Variants in EPS15L1 observed in about 807,000 individuals in gnomAD.
The protein encoded by EPS15L1 is epidermal growth factor receptor pathway substrate 15 like 1, also known as epidermal growth factor receptor substrate 15-like 1.
In EPS15L1, 43 loss-of-function variants were observed where a neutral mutation model predicts 117.1. The observed-to-expected ratio is 0.37, with a 90% CI of 0.29 to 0.47. The LOEUF is 0.47. EPS15L1 is among the 20% of genes least tolerant of loss of function. The probability of loss-of-function intolerance (pLI) is 0.99; values close to 1 mark genes in which losing one functional copy is unlikely to be tolerated. For missense variants in EPS15L1, 981 were observed against 1,164.0 expected, an observed-to-expected ratio of 0.84 and a Z score of 2.29; for synonymous variants, 459 against 470.5, an observed-to-expected ratio of 0.98 and a Z score of 0.32.
chr19:16,413,038 A>G (rs2092722491), intron 13 of EPS15L1: 1 of 738,630 alleles, frequency 1.4e-6, no homozygotes, highest in South Asian at 1.4e-5. Flanking sequence ...GTGCAGAAAC[A>G]GACCCGCGCC....
rs1406117569 is a variant in EPS15L1 at position 16,385,277 on chromosome 19, G to A, written c.2165-66C>T. 1.7e-5 allele frequency: 23 copies of A among 1,362,948 alleles called. No individual in the cohort carries two copies. The East Asian group carries it at 2.5e-4, about 15-fold the overall frequency. 84.4% of individuals were successfully genotyped at this position (1,362,948 alleles called of 1,614,324 possible). A position where few individuals can be genotyped will look rare whatever the true frequency, so the allele number is the denominator to read the frequency against. ...AGAGAACATGCCTTCTGGGGTGGAG[G>A]GGAAATGCTAGATGGCCCCTGAACC... On this transcript the variant is annotated intron_variant, in intron 20 of 23. Coordinates refer to ENST00000455140, the MANE Select transcript of EPS15L1 (RefSeq NM_001258374.3).
Position 16,367,966 on chromosome 19 carries a change from A to T in EPS15L1, c.2381-5982T>A, listed in dbSNP as rs2092161831. 2.1e-5 allele frequency among the ~76,000 whole-genome samples: 3 copies of T among 145,128 alleles called. No individual in the cohort carries two copies. In the South Asian group the frequency reaches 6.5e-4, roughly 31 times the overall value. Reference sequence around the variant, plus strand: ...AATAAAAATATTAGTAATAAACATGAGAGTGAGAGAGAGAGAGAGTGTGTG... The same window carrying T: ...AATAAAAATATTAGTAATAAACATGTGAGTGAGAGAGAGAGAGAGTGTGTG... On this transcript the variant is annotated intron_variant, in intron 22 of 23. Transcript: ENST00000455140.
chr19:16,355,677 C>T lies in EPS15L1; in HGVS notation c.*28G>A. 14 of 1,531,110 alleles carry T rather than the reference C, an allele frequency of 9.1e-6. No individual in the cohort carries two copies. The highest frequency in any genetic ancestry group is 1.0e-5 in the Non-Finnish European group (12 of 1,143,164). The allele number at this position is 1,531,110 out of a possible 1,614,324, so 94.8% of individuals were successfully genotyped here. On this transcript the variant is annotated 3_prime_UTR_variant, in exon 24 of 24. Transcript: ENST00000455140. ...GCCCCCTCTCTGGAACCCGCCCGTG[C>T]CCTGTCCCGCCTACACACGGCCCTC...
At position 16,403,840 on chromosome 19, in the gene EPS15L1, G is replaced by A; in HGVS notation, c.1519C>T (p.Arg507Ter). The A allele has an allele frequency of 6.2e-7, 1 of 1,614,098 alleles. No individual in the cohort carries two copies. The highest frequency in any genetic ancestry group is 8.5e-7 in the Non-Finnish European group (1 of 1,180,014). Residue 507 changes from arginine to a stop codon, truncating the protein, a stop_gained, in exon 15 of 24, where the codon CGA becomes TGA. Coordinates refer to ENST00000455140, the MANE Select transcript of EPS15L1 (RefSeq NM_001258374.3). LOFTEE classifies it high-confidence loss of function. ...DLNRAKSELN[R>*]LQQEETQLEQ... is the part of the protein sequence containing the mutation. ...AGCTGGGTTTCCTCCTGCTGCAATC[G>A]GTTCAGCTCCGACTTGGCTCGGTTC... is the stretch of plus-strand genomic sequence containing the variant.
chr19:16,376,431 G>A (rs989298922), intron 22 of EPS15L1, among the ~76,000 whole-genome samples: 10 of 152,214 alleles, frequency 6.6e-5, no homozygotes, highest in Non-Finnish European at 1.0e-4. Context: ...GAATCCTCAG[G>A]GGACCCTCGA....
chr19:16,446,579 G>A (rs2093085346), intron 1 of EPS15L1, among the ~76,000 whole-genome samples: 5 of 152,154 alleles, frequency 3.3e-5, no homozygotes, highest in Admixed American at 3.3e-4. Flanking sequence ...GGGAAACTGA[G>A]TTTGCCCTAC....
intron 19 of EPS15L1, 74 bp downstream of exon 19, chr19:16,392,230 G>A: frequency 2.6e-6 from 4 of 1,555,822 alleles, no homozygotes; most frequent in Non-Finnish European, 2.7e-6. Context: ...AGGGAAGGGG[G>A]CCTTCGGGAA....
intron 22 of EPS15L1, among the ~76,000 whole-genome samples, chr19:16,368,328 CAG>C (rs896461844): frequency 5.8e-4 from 89 of 152,240 alleles, no homozygotes; most frequent in Non-Finnish European, 8.1e-4. Flanking sequence ...TCCTACACAA[CAG>C]GGGACACACA....
chr19:16,408,883 C>G (rs915875940), intron 13 of EPS15L1, among the ~76,000 whole-genome samples: 1 of 152,072 alleles, frequency 6.6e-6, no homozygotes, highest in African/African-American at 2.4e-5. Context: ...TCATCCTTGA[C>G]AAGGATGCTA....
intron 19 of EPS15L1, among the ~76,000 whole-genome samples, chr19:16,388,592 C>A: frequency 6.6e-6 from 1 of 151,918 alleles, no homozygotes; most frequent in East Asian, 1.9e-4. Context: ...CTTTGGGAGG[C>A]CAAGGCAGGC....
intron 13 of EPS15L1, among the ~76,000 whole-genome samples, chr19:16,408,201 A>G (rs1392270895): frequency 2.0e-5 from 3 of 152,214 alleles, no homozygotes; most frequent in Non-Finnish European, 4.4e-5. Flanking sequence ...AAGACCCACC[A>G]GCTCGAGGTT....
At chr19:16,458,110 G>T (rs962161014) in intron 1 of EPS15L1, among the ~76,000 whole-genome samples, 1 of 152,168 alleles carries the variant, frequency 6.6e-6, no homozygotes, top group Non-Finnish European at 1.5e-5. Context: ...CTGGCCTCCT[G>T]TCGGGGTGTT....
At chr19:16,397,843 G>A (rs1267656260) in intron 16 of EPS15L1, among the ~76,000 whole-genome samples, 1 of 151,988 alleles carries the variant, frequency 6.6e-6, no homozygotes, top group Non-Finnish European at 1.5e-5. Context: ...GTTTAAATAA[G>A]GACTCTGTTT....
At chr19:16,424,107 G>C (rs1458938364) in intron 9 of EPS15L1, among the ~76,000 whole-genome samples, 1 of 152,232 alleles carries the variant, frequency 6.6e-6, no homozygotes, top group Non-Finnish European at 1.5e-5. Context: ...AGGTCCCAAA[G>C]GAAGGATATC....
Position 16,441,428 on chromosome 19 carries a change from C to T in EPS15L1, c.165+464G>A, listed in dbSNP as rs1034243486. ...TGGAGCTTGCAGTGAGCTGAGATCA[C>T]GCTACTGCACTCCAGCCTGGGCGAC... is the stretch of plus-strand genomic sequence containing the variant. On this transcript the variant is annotated intron_variant, in intron 3 of 23. Coordinates refer to ENST00000455140, the MANE Select transcript of EPS15L1 (RefSeq NM_001258374.3). 3.4e-5 allele frequency: 6 copies of T among 176,082 alleles called. No individual in the cohort carries two copies. The South Asian group carries it at 4.4e-4, about 13-fold the overall frequency. 10.9% of individuals were successfully genotyped at this position (176,082 alleles called of 1,614,324 possible).
In EPS15L1 at chr19:16,451,677, C is replaced by T. The variant is rs540897337; in HGVS notation, c.34-9458G>A. ...CCAAGTAGCTGAGACTACAGGTGCC[C>T]GCCACCTCACTCGTCTAATTTTTTG... On this transcript the variant is annotated intron_variant, in intron 1 of 23. Coordinates refer to ENST00000455140, the MANE Select transcript of EPS15L1 (RefSeq NM_001258374.3). 4.0e-5 allele frequency among the ~76,000 whole-genome samples: 6 copies of T among 151,804 alleles called. No homozygotes were observed. In the South Asian group the frequency reaches 8.3e-4, roughly 21 times the overall value.
At position 16,383,023 on chromosome 19, in the gene EPS15L1, A is replaced by T. The variant is rs975388849; in HGVS notation, c.2247+2106T>A. ...CCTTAGCATTTTATTTATATCCACA[A>T]TGTTGTTCTTGAAAAACAGATAGGT... is the stretch of plus-strand genomic sequence containing the variant. On this transcript the variant is annotated intron_variant, in intron 21 of 23. Coordinates refer to ENST00000455140, the MANE Select transcript of EPS15L1 (RefSeq NM_001258374.3). The surrounding 1 kb of genome is among the most constrained non-coding windows in gnomAD (Gnocchi z 5.2). 3.9e-5 allele frequency: 6 copies of T among 152,108 alleles called. No homozygotes were observed. The highest frequency in any genetic ancestry group is 8.8e-5 in the Non-Finnish European group (6 of 68,030). The allele number at this position is 152,108 out of a possible 1,614,324, so 9.4% of individuals were successfully genotyped here. A position where few individuals can be genotyped will look rare whatever the true frequency, so the allele number is the denominator to read the frequency against.
chr19:16,377,937 A>C (rs908647193), intron 21 of EPS15L1, among the ~76,000 whole-genome samples: 2 of 152,028 alleles, frequency 1.3e-5, no homozygotes, highest in African/African-American at 4.8e-5. Context: ...CCTCCACCCC[A>C]CACCTGCTGT....
intron 16 of EPS15L1, among the ~76,000 whole-genome samples, chr19:16,398,263 C>T (rs1185401647): frequency 6.6e-6 from 1 of 152,220 alleles, no homozygotes; most frequent in Non-Finnish European, 1.5e-5. Flanking sequence ...ATCTGATGAA[C>T]ATGGAATGGT....
Sources: gnomAD v4.1 joint callset for allele counts (sites outside exome capture counted in the v4.1 genomes callset) on GRCh38, gnomAD v4.1.1 for gene constraint, Gnocchi (gnomAD v3.1) non-coding constraint, MANE v1.5 for transcripts, NCBI Gene and HGNC (gene_info 2026-07-23, HGNC 2026-07-21) for gene names.